MCF2L: variants seen among roughly 807,000 people sequenced by gnomAD.
MCF2L encodes the protein guanine nucleotide exchange factor DBS.
MCF2L carries 97 observed loss-of-function variants against 153.4 expected under a neutral mutation model. The observed-to-expected ratio is 0.63, with a 90% CI of 0.54 to 0.75. The LOEUF (loss-of-function observed/expected upper bound fraction) is 0.75, where lower values mean the gene tolerates loss of function less well. Among genes scored for constraint, MCF2L ranks in the 30% least tolerant of loss-of-function variants. The pLI, the probability that MCF2L is intolerant of heterozygous loss-of-function variation, is 0.00. For missense variants in MCF2L, 1,347 were observed against 1,495.2 expected (o/e 0.90, Z 1.64); for synonymous variants, 659 against 632.2 (o/e 1.04, Z -0.64).
At position 113,024,778 on chromosome 13, in the gene MCF2L, G is replaced by C; in HGVS notation, c.278+20G>C. 2 of 1,586,704 alleles carry C rather than the reference G, an allele frequency of 1.3e-6. No homozygotes were observed. The highest frequency in any genetic ancestry group is 1.7e-6 in the Non-Finnish European group (2 of 1,155,090). ...CCCCAGGTACGTGCACCCAGAGCCC[G>C]GCAGACATTGTGGTTTGGGGCAGAG... is the stretch of plus-strand genomic sequence containing the variant. On this transcript the variant is annotated intron_variant, in intron 3 of 29. Coordinates refer to ENST00000535094, the MANE Select transcript of MCF2L (RefSeq NM_001112732.3).
chr13:112,906,640 T>C (rs1018502071), intron 2 of MCF2L, among the ~76,000 whole-genome samples: 1 of 152,256 alleles, frequency 6.6e-6, no homozygotes, highest in African/African-American at 2.4e-5. Context: ...GCGTTCTGGC[T>C]CTGGTGGGCC....
At chr13:112,946,685 A>G (rs7319229) in intron 2 of MCF2L, among the ~76,000 whole-genome samples, 92,664 of 152,114 alleles carry the variant, frequency 0.61, 28,449 homozygotes, top group South Asian at 0.73. Context: ...ATGAATTCAG[A>G]TACAGAACCT....
Position 113,088,639 on chromosome 13 carries a change from A to G in MCF2L, c.2834+11A>G, listed in dbSNP as rs774071982. 6.2e-7 allele frequency: 1 copy of G among 1,603,818 alleles called. No homozygotes were observed. The highest frequency in any genetic ancestry group is 8.5e-7 in the Non-Finnish European group (1 of 1,179,348). On this transcript the variant is annotated intron_variant, in intron 25 of 29. Transcript: ENST00000535094. Reference sequence around the variant, plus strand: ...CCCGACCAGCACCAGGTGAGAATGGACACGCTGCCGCAGGCCTGCGTTTCT... The same window carrying G: ...CCCGACCAGCACCAGGTGAGAATGGGCACGCTGCCGCAGGCCTGCGTTTCT...
At chr13:113,095,978 A>G in intron 27 of MCF2L, 1 of 374,104 alleles carries the variant, frequency 2.7e-6, no homozygotes. Flanking sequence ...CTGCAGGGAG[A>G]GGGAGGGCAG....
At chr13:113,036,576 C>T (rs1413632238) in intron 3 of MCF2L, among the ~76,000 whole-genome samples, 4 of 152,260 alleles carry the variant, frequency 2.6e-5, no homozygotes, top group Non-Finnish European at 4.4e-5. Context: ...GGGGCAAGTG[C>T]GGGGTGGGTG....
At chr13:112,910,181 C>G (rs1211981275) in intron 2 of MCF2L, 6 of 152,234 alleles carry the variant, frequency 3.9e-5, no homozygotes, top group South Asian at 2.1e-4. Context: ...ACCACAAGGT[C>G]TCTTTCTCTT....
rs2035719774 is a variant in MCF2L at position 113,096,911 on chromosome 13, G to A, written c.*52G>A. ...CGCTGTCTGGGGCTGCGGTGGCGTG[G>A]GGAGGGCGCGGCCCCCGGACGCCCC... On this transcript the variant is annotated 3_prime_UTR_variant, in exon 30 of 30. Coordinates refer to ENST00000535094, the MANE Select transcript of MCF2L (RefSeq NM_001112732.3). 3.2e-6 allele frequency: 4 copies of A among 1,235,620 alleles called. No homozygotes were observed. In the Admixed American group the frequency reaches 1.3e-4, roughly 39 times the overall value. The allele number at this position is 1,235,620 out of a possible 1,614,324, so 76.5% of individuals were successfully genotyped here.
chr13:113,095,623 G>A, intron 27 of MCF2L: 1 of 993,320 alleles, frequency 1.0e-6, no homozygotes, highest in Non-Finnish European at 1.2e-6. Flanking sequence ...TCATGTGAGA[G>A]CAGGTGGCCC....
At chr13:113,057,240 T>TGA (rs1200261437) in intron 4 of MCF2L, among the ~76,000 whole-genome samples, 1 of 141,116 alleles carries the variant, frequency 7.1e-6, no homozygotes, top group Non-Finnish European at 1.5e-5. Flanking sequence ...GAGTGGGTGC[T>TGA]GTGTTTAGGT....
Position 113,076,098 on chromosome 13 carries a change from A to C in MCF2L, c.1441A>C (p.Ile481Leu), listed in dbSNP as rs2033445441. ...TTTGGAGACCGGTGCGGAAAATAAG[A>C]TCCAGGAGCTCAACGCGATTTACAA... Reference protein sequence around the residue: ...KFLETGAENKIQELNAIYKEY... With the variant: ...KFLETGAENKLQELNAIYKEY... Residue 481 changes from isoleucine to leucine, a missense_variant, in exon 12 of 30, where the codon ATC becomes CTC. Around this residue, in one of 3 missense-constraint regions of MCF2L, gnomAD observed 820 missense variants for 921.2 expected, o/e 0.89. Transcript: ENST00000535094. The C allele has an allele frequency of 6.2e-7, 1 of 1,613,868 alleles. No individual in the cohort carries two copies. The highest frequency in any genetic ancestry group is 8.5e-7 in the Non-Finnish European group (1 of 1,180,020).
At chr13:113,001,630 C>G in intron 1 of MCF2L, 1 of 1,256,298 alleles carries the variant, frequency 8.0e-7, no homozygotes, top group Non-Finnish European at 1.0e-6. Flanking sequence ...CTGAAGCCTC[C>G]CTGGCCGGGG....
At chr13:112,946,207 C>A (rs970591208) in intron 2 of MCF2L, among the ~76,000 whole-genome samples, 1 of 151,786 alleles carries the variant, frequency 6.6e-6, no homozygotes, top group African/African-American at 2.4e-5. Context: ...TGCCACCCTG[C>A]CAAAGTATTC....
At chr13:113,000,476 C>T (rs988608979) in intron 1 of MCF2L, among the ~76,000 whole-genome samples, 7 of 152,104 alleles carry the variant, frequency 4.6e-5, no homozygotes, top group Non-Finnish European at 1.0e-4. Flanking sequence ...GTGTGTGCAG[C>T]GTGGAGATGA....
In MCF2L at chr13:113,014,783, A is replaced by T. The variant is rs181380349; in HGVS notation, c.100A>T (p.Ile34Phe). ...TGCAGATGAAATCATGCACCAGGAC[A>T]TCGTCCCGCTCTGTGCTGCCGACAT... The part of the protein sequence containing the change: ...KHTDEIMHQD[I>F]VPLCAADIQD... The change falls in exon 2 of 30, where the codon ATC becomes TTC. Residue 34 changes from isoleucine (I) to phenylalanine (F), a missense_variant. Ile to Phe is a conservative substitution (Grantham distance 21, BLOSUM62 0). Transcript: ENST00000535094. The T allele has an allele frequency of 2.5e-5, 40 of 1,613,982 alleles. No homozygotes were observed. In the East Asian group the frequency reaches 7.6e-4, roughly 31 times the overall value.
At chr13:112,923,051 T>A (rs1209704657) in intron 2 of MCF2L, among the ~76,000 whole-genome samples, 2 of 152,222 alleles carry the variant, frequency 1.3e-5, no homozygotes, top group African/African-American at 2.4e-5. Flanking sequence ...ATTTTAACAA[T>A]TTCAGATGTA....
rs190578295 is a variant in MCF2L at position 113,048,916 on chromosome 13, G to A, written c.369+3555G>A. Among the ~76,000 whole-genome samples, 272 of 152,334 alleles carry A rather than the reference G, an allele frequency of 1.8e-3. 2 individuals are homozygous for A. In the Middle Eastern group the frequency reaches 0.031, roughly 17 times the overall value. Reference sequence around the variant, plus strand: ...TGGGGTCACAGGCAGGGGCAGCAGGGAGCAGCCAGGAGGGTGGCTGAGCCA... The same window carrying A: ...TGGGGTCACAGGCAGGGGCAGCAGGAAGCAGCCAGGAGGGTGGCTGAGCCA... On this transcript the variant is annotated intron_variant, in intron 4 of 29. Transcript: ENST00000535094.
At chr13:112,953,808 C>T (rs1238572173) in intron 2 of MCF2L, among the ~76,000 whole-genome samples, 2 of 152,322 alleles carry the variant, frequency 1.3e-5, no homozygotes, top group East Asian at 1.9e-4. Flanking sequence ...CTGACAGGAG[C>T]GTTCAGCCAC....
At position 112,983,165 on chromosome 13, in the gene MCF2L, T is replaced by C. The variant is rs537081401; in HGVS notation, c.79+13707T>C. ...CACTCAGCAGGTGCCTCAGGGTTTG[T>C]TGGAGGTGAGGGGGTAGCAGAGCCC... On this transcript the variant is annotated intron_variant, in intron 1 of 29. Transcript: ENST00000535094. This position sits in a 1 kb window ranked among gnomAD's most constrained non-coding sequence, Gnocchi z 4.0. Among the ~76,000 whole-genome samples the C allele has an allele frequency of 3.9e-5, 6 of 152,014 alleles. No homozygotes were observed. The highest frequency in any genetic ancestry group is 5.9e-5 in the Non-Finnish European group (4 of 67,926).
Position 112,932,742 on chromosome 13 carries a change from C to T in MCF2L, c.169+30371C>T, listed in dbSNP as rs762049023. On this transcript the variant is annotated intron_variant, in intron 2 of 29. Transcript: ENST00000375608. This position sits in a 1 kb window ranked among gnomAD's most constrained non-coding sequence, Gnocchi z 4.6. ...TGTATTTTAGCAAAAGAGAAATAAA[C>T]GACTTTGGCTGGGTGCGGTGGCTGG... 2.4e-4 allele frequency among the ~76,000 whole-genome samples: 37 copies of T among 152,106 alleles called. No homozygotes were observed. The highest frequency in any genetic ancestry group is 4.6e-4 in the Non-Finnish European group (31 of 68,014).
Sources: allele counts gnomAD v4.1 joint callset (sites outside exome capture counted in the v4.1 genomes callset), GRCh38; gene constraint gnomAD v4.1.1; regional missense constraint gnomAD v4.1.1; non-coding constraint Gnocchi (gnomAD v3.1); transcripts MANE v1.5; gene names NCBI Gene and HGNC (gene_info 2026-07-23, HGNC 2026-07-21).